Variants in PREX1 observed in about 807,000 individuals in gnomAD.
The protein encoded by PREX1 is phosphatidylinositol-3,4,5-trisphosphate dependent Rac exchange factor 1.
PREX1 carries 41 observed loss-of-function variants against 198.3 expected under a neutral mutation model. That is an observed-to-expected ratio of 0.21 (90% confidence interval 0.16 to 0.27). The LOEUF is 0.27. Ranked by LOEUF, PREX1 falls within the 10% of genes least tolerant of loss-of-function variation. PREX1 has a pLI of 1.00. For missense variants in PREX1, 1,620 were observed against 2,200.7 expected (o/e 0.74, Z 5.28); for synonymous variants, 843 against 887.2 (o/e 0.95, Z 0.89).
intron 37 of PREX1, among the ~76,000 whole-genome samples, chr20:48,629,186 G>A (rs930740738): frequency 2.0e-5 from 3 of 152,142 alleles, no homozygotes; most frequent in South Asian, 2.1e-4. Context: ...GGCTTCCGGC[G>A]GAACTACAGG....
At chr20:48,722,860 TG>T (rs2089992259) in intron 5 of PREX1, among the ~76,000 whole-genome samples, 1 of 152,228 alleles carries the variant, frequency 6.6e-6, no homozygotes, top group Non-Finnish European at 1.5e-5. Flanking sequence ...GGGTCTGTCT[TG>T]TTCTCAGCTG....
intron 1 of PREX1, among the ~76,000 whole-genome samples, chr20:48,785,289 G>T (rs2090306926): frequency 1.3e-5 from 2 of 152,182 alleles, no homozygotes; most frequent in Non-Finnish European, 1.5e-5. Context: ...CCTGCCTGGG[G>T]TCTCCTCTGA....
chr20:48,874,448 GGA>G, the PREX1 span, among the ~76,000 whole-genome samples: 60 of 149,394 alleles, frequency 4.0e-4, no homozygotes, highest in Admixed American at 6.7e-4. Flanking sequence ...GTGTGATTTA[GGA>G]GAGTGTTCAC....
chr20:48,704,230 C>G (rs1282537595), intron 6 of PREX1, among the ~76,000 whole-genome samples: 1 of 152,182 alleles, frequency 6.6e-6, no homozygotes, highest in African/African-American at 2.4e-5. Flanking sequence ...CTCCACTCCC[C>G]CGACCTGCTC....
At chr20:48,810,887 CA>C (rs1007433172) in intron 1 of PREX1, among the ~76,000 whole-genome samples, 5 of 148,520 alleles carry the variant, frequency 3.4e-5, no homozygotes, top group African/African-American at 4.9e-5. Context: ...GACTCCTCCT[CA>C]AAAAAAAAAT....
intron 1 of PREX1, among the ~76,000 whole-genome samples, chr20:48,767,894 G>A (rs1038430146): frequency 5.3e-5 from 8 of 152,068 alleles, no homozygotes; most frequent in Admixed American, 4.6e-4. Context: ...AGTCGCCCCC[G>A]AGCCACCCTC....
At chr20:48,656,611 T>G (rs2089545588) in intron 18 of PREX1, 2 of 452,014 alleles carry the variant, frequency 4.4e-6, no homozygotes, top group East Asian at 1.4e-4. Flanking sequence ...CCCCCTCATC[T>G]GCTTCGGGTC....
At position 48,664,389 on chromosome 20, in the gene PREX1, G is replaced by C. The variant is rs2089620120; in HGVS notation, c.1738+1894C>G. ...GACTCCGTCTGAAAAAAAAAAAAAA[G>C]AGAGAGAATCCGAGCTAGGAGCAGA... On this transcript the variant is annotated intron_variant, in intron 15 of 39. Transcript: ENST00000371941. 2.1e-5 allele frequency among the ~76,000 whole-genome samples: 3 copies of C among 142,208 alleles called. No homozygotes were observed. In the East Asian group the frequency reaches 6.3e-4, roughly 30 times the overall value. 93.3% of individuals were successfully genotyped at this position (142,208 alleles called of 152,430 possible). A position where few individuals can be genotyped will look rare whatever the true frequency, so the allele number is the denominator to read the frequency against.
At chr20:48,672,817 T>C (rs1484189273) in intron 14 of PREX1, among the ~76,000 whole-genome samples, 4 of 152,170 alleles carry the variant, frequency 2.6e-5, no homozygotes, top group Non-Finnish European at 5.9e-5. Flanking sequence ...GGAGATCCCC[T>C]GCCCCCGCTC....
At chr20:48,857,536 T>TA in the PREX1 span, among the ~76,000 whole-genome samples, 12 of 149,886 alleles carry the variant, frequency 8.0e-5, no homozygotes, top group African/African-American at 2.5e-4. Flanking sequence ...GACAGTTTTT[T>TA]AAAAAAACCA....
At chr20:48,814,630 C>G (rs775170596) in intron 1 of PREX1, among the ~76,000 whole-genome samples, 5 of 152,130 alleles carry the variant, frequency 3.3e-5, no homozygotes, top group Non-Finnish European at 5.9e-5. Context: ...TGAGCTAAAG[C>G]TGGATCACAT....
At chr20:48,630,510 G>A (rs1397387961) in intron 36 of PREX1, among the ~76,000 whole-genome samples, 1 of 152,260 alleles carries the variant, frequency 6.6e-6, no homozygotes, top group Non-Finnish European at 1.5e-5. Flanking sequence ...GAGTGGCAGA[G>A]ATGGGCGGCT....
At chr20:48,860,028 A>AAAAAG in the PREX1 span, among the ~76,000 whole-genome samples, 2 of 152,166 alleles carry the variant, frequency 1.3e-5, no homozygotes, top group East Asian at 3.8e-4. Flanking sequence ...AAAAAACAAA[A>AAAAAG]AAAAGAAAAG....
intron 1 of PREX1, among the ~76,000 whole-genome samples, chr20:48,821,530 C>A (rs1265393981): frequency 6.6e-6 from 1 of 152,196 alleles, no homozygotes; most frequent in Non-Finnish European, 1.5e-5. Context: ...CTATCACCCA[C>A]CTCCCTCCAG....
chr20:48,863,317 A>G, the PREX1 span, among the ~76,000 whole-genome samples: 1 of 152,118 alleles, frequency 6.6e-6, no homozygotes, highest in Non-Finnish European at 1.5e-5. Context: ...CCCATAGTTT[A>G]TATTAGAGTT....
chr20:48,666,013 C>A lies in PREX1; in HGVS notation c.1738+270G>T, dbSNP rs1244164514. Among the ~76,000 whole-genome samples the A allele has an allele frequency of 6.6e-6, 1 of 152,204 alleles. No homozygotes were observed. Among genetic ancestry groups the A allele is most frequent in the African/African-American group, 2.4e-5 (1 of 41,456 alleles). On this transcript the variant is annotated intron_variant, in intron 15 of 39. Transcript: ENST00000371941. The surrounding 1 kb of genome is among the most constrained non-coding windows in gnomAD (Gnocchi z 4.3). Reference sequence around the variant, plus strand: ...GCTGCCTACCCTGGAAGGCCACATCCCCCCCAGGAAGAAGGGCACAGGAAA... The same window carrying A: ...GCTGCCTACCCTGGAAGGCCACATCACCCCCAGGAAGAAGGGCACAGGAAA...
At chr20:48,873,704 T>C in the PREX1 span, among the ~76,000 whole-genome samples, 1 of 151,106 alleles carries the variant, frequency 6.6e-6, no homozygotes, top group African/African-American at 2.4e-5. Flanking sequence ...TGGATGACAA[T>C]AGCGAGACTC....
intron 5 of PREX1, among the ~76,000 whole-genome samples, chr20:48,725,179 T>C (rs2090004163): frequency 6.6e-6 from 1 of 152,120 alleles, no homozygotes; most frequent in Admixed American, 6.6e-5. Context: ...TTGCTTCCAG[T>C]TCATGGAGCA....
intron 1 of PREX1, among the ~76,000 whole-genome samples, chr20:48,819,930 G>A (rs538684736): frequency 3.3e-5 from 5 of 152,320 alleles, no homozygotes; most frequent in African/African-American, 1.2e-4. Flanking sequence ...GAGATGCACA[G>A]AAGCCACCCA....
Sources: gnomAD v4.1 joint callset for allele counts (sites outside exome capture counted in the v4.1 genomes callset) on GRCh38, gnomAD v4.1.1 for gene constraint, Gnocchi (gnomAD v3.1) non-coding constraint, MANE v1.5 for transcripts, NCBI Gene and HGNC (gene_info 2026-07-23, HGNC 2026-07-21) for gene names.